METTL6: variants seen among roughly 807,000 people sequenced by gnomAD.
METTL6 encodes the protein tRNA N(3)-cytidine methyltransferase METTL6.
Under a neutral mutation model 26.4 loss-of-function variants are expected in METTL6, and 22 were observed. The ratio of observed to expected loss-of-function variants is 0.83; its 90% CI spans 0.59 to 1.19. The LOEUF is 1.19. Ranked by LOEUF, METTL6 falls within the 50% of genes most tolerant of loss-of-function variation. METTL6 has a pLI of 0.00. For missense variants in METTL6, 304 were observed against 324.8 expected (o/e 0.94, Z 0.49); for synonymous variants, 109 against 116.2 (o/e 0.94, Z 0.40).
chr3:15,386,072 A>C (rs1699184772), intron 6 of METTL6, among the ~76,000 whole-genome samples: 1 of 152,194 alleles, frequency 6.6e-6, no homozygotes, highest in African/African-American at 2.4e-5. Flanking sequence ...GAGTAAACTT[A>C]TGGTTATTTC....
chr3:15,401,785 G>A (rs1699653910), intron 6 of METTL6, among the ~76,000 whole-genome samples: 1 of 152,128 alleles, frequency 6.6e-6, no homozygotes, highest in East Asian at 1.9e-4. Context: ...GGTCTTAAGT[G>A]GGGAGAAACC....
intron 3 of METTL6, among the ~76,000 whole-genome samples, chr3:15,417,588 G>GT (rs202034486): frequency 0.013 from 2,034 of 152,070 alleles, 24 homozygotes; most frequent in African/African-American, 0.026. Flanking sequence ...GGAGACAAAT[G>GT]TATCACTGAG....
chr3:15,388,089 TTTGTTGTTGTTGTTG>T (rs71632851), intron 6 of METTL6, among the ~76,000 whole-genome samples: 138 of 150,500 alleles, frequency 9.2e-4, no homozygotes, highest in African/African-American at 2.8e-3. Flanking sequence ...AAATAAGAGT[TTTGTTGTTGTTGTTG>T]TTGTTGTTGT....
intron 3 of METTL6, among the ~76,000 whole-genome samples, chr3:15,424,549 G>A (rs1195877316): frequency 2.0e-5 from 3 of 152,174 alleles, no homozygotes; most frequent in South Asian, 4.1e-4. Flanking sequence ...TTACAAGTGC[G>A]AACCAACATG....
chr3:15,417,225 G>A (rs1485636392), intron 3 of METTL6, among the ~76,000 whole-genome samples: 6 of 152,166 alleles, frequency 3.9e-5, no homozygotes, highest in African/African-American at 1.2e-4. Flanking sequence ...GGGAGGCCAA[G>A]GCAGGTGGAT....
intron 6 of METTL6, among the ~76,000 whole-genome samples, chr3:15,403,757 A>G (rs1175919537): frequency 2.0e-5 from 3 of 152,260 alleles, no homozygotes; most frequent in Non-Finnish European, 4.4e-5. Context: ...GCAAATTTAT[A>G]GGAAAGTAAA....
In METTL6 at chr3:15,411,184, C is replaced by CG. The variant is rs766194253; in HGVS notation, c.*71dup. The CG allele has an allele frequency of 1.3e-6, 2 of 1,509,424 alleles. No homozygotes were observed. The highest frequency in any genetic ancestry group is 1.8e-6 in the Non-Finnish European group (2 of 1,117,172). The allele number at this position is 1,509,424 out of a possible 1,614,324, so 93.5% of individuals were successfully genotyped here. On this transcript the variant is annotated 3_prime_UTR_variant, in exon 6 of 6. Coordinates refer to ENST00000383790, the MANE Select transcript of METTL6 (RefSeq NM_152396.4). Reference sequence around the variant, plus strand: ...TGCTGGGATTACAGGCATGAGCCACCGCACCCAGACGAAAGAGTGATTTTA... The same window carrying CG: ...TGCTGGGATTACAGGCATGAGCCACCGGCACCCAGACGAAAGAGTGATTTTA...
At chr3:15,409,566 A>G (rs935092440), downstream of METTL6, among the ~76,000 whole-genome samples, 1 of 152,100 alleles carries the variant, frequency 6.6e-6, no homozygotes, top group Non-Finnish European at 1.5e-5. Context: ...TGTCCATTCT[A>G]AAGCCCCTCT....
At chr3:15,421,419 TCA>T (rs2061609116) in intron 3 of METTL6, among the ~76,000 whole-genome samples, 3 of 152,228 alleles carry the variant, frequency 2.0e-5, no homozygotes, top group South Asian at 2.1e-4. Flanking sequence ...CTTGTGTTTC[TCA>T]GTTTCCTACA....
At chr3:15,422,297 T>C (rs2061626645) in intron 3 of METTL6, among the ~76,000 whole-genome samples, 2 of 151,752 alleles carry the variant, frequency 1.3e-5, no homozygotes, top group Middle Eastern at 3.4e-3. Flanking sequence ...CTGCACTCCA[T>C]CCTGGGTGAC....
At chr3:15,395,366 A>T (rs1699458529) in intron 6 of METTL6, among the ~76,000 whole-genome samples, 1 of 152,050 alleles carries the variant, frequency 6.6e-6, no homozygotes, top group African/African-American at 2.4e-5. Flanking sequence ...ATCTTCCTCC[A>T]TCCCTTTACT....
intron 3 of METTL6, among the ~76,000 whole-genome samples, chr3:15,419,861 CTTTT>C (rs1324825917): frequency 1.5e-5 from 2 of 132,340 alleles, no homozygotes; most frequent in Admixed American, 7.6e-5. Context: ...AACTGTTTTT[CTTTT>C]TTTTTTTTTT....
chr3:15,416,109 T>G (rs1700194710), intron 3 of METTL6, among the ~76,000 whole-genome samples, 167 bp from the exon 4 acceptor site: 1 of 152,226 alleles, frequency 6.6e-6, no homozygotes, highest in South Asian at 2.1e-4. Context: ...GCATGTAATA[T>G]TCACTACTGC....
At chr3:15,412,167 T>C (rs1699996142) in intron 5 of METTL6, among the ~76,000 whole-genome samples, 1 of 152,256 alleles carries the variant, frequency 6.6e-6, no homozygotes, top group African/African-American at 2.4e-5. Context: ...TCAATTTGTT[T>C]ACATCAAACA....
chr3:15,411,249 T>C lies in METTL6; in HGVS notation c.*7A>G. ...AGGGAAGGTATAAATGCCAACCTCA[T>C]GAAAGGTCAGGACTTAGGATCCAGG... On this transcript the variant is annotated 3_prime_UTR_variant, in exon 6 of 6. Transcript: ENST00000383790. 6.2e-7 allele frequency: 1 copy of C among 1,604,996 alleles called. No homozygotes were observed. The highest frequency in any genetic ancestry group is 1.1e-5 in the South Asian group (1 of 89,664).
intron 6 of METTL6, among the ~76,000 whole-genome samples, chr3:15,391,596 C>A (rs1327729709): frequency 4.6e-5 from 7 of 151,884 alleles, no homozygotes; most frequent in African/African-American, 1.7e-4. Context: ...GTGTCGCACC[C>A]AATAACTCGT....
intron 1 of METTL6, among the ~76,000 whole-genome samples, chr3:15,427,190 C>G (rs1203343753): frequency 6.6e-6 from 1 of 152,194 alleles, no homozygotes; most frequent in Admixed American, 6.5e-5. Context: ...CATCACCGGG[C>G]AAAGTGGAGA....
At chr3:15,392,358 G>A (rs1699373431) in intron 6 of METTL6, among the ~76,000 whole-genome samples, 1 of 151,410 alleles carries the variant, frequency 6.6e-6, no homozygotes, top group South Asian at 2.1e-4. Flanking sequence ...TTTTTTTCTT[G>A]TAAATTTGTT....
intron 3 of METTL6, among the ~76,000 whole-genome samples, chr3:15,421,531 T>C (rs1411384887): frequency 6.6e-6 from 1 of 152,196 alleles, no homozygotes; most frequent in Non-Finnish European, 1.5e-5. Flanking sequence ...GGCATGATCA[T>C]AGCTCATGCA....
Sources: gnomAD v4.1 joint callset for allele counts (sites outside exome capture counted in the v4.1 genomes callset) on GRCh38, gnomAD v4.1.1 for gene constraint, MANE v1.5 for transcripts, NCBI Gene and HGNC (gene_info 2026-07-23, HGNC 2026-07-21) for gene names.